EPHB4: variants seen among roughly 807,000 people sequenced by gnomAD.
EPHB4 encodes ephrin type-B receptor 4.
A neutral mutation model predicts 110.6 loss-of-function variants in EPHB4; 50 were observed. The observed-to-expected ratio is 0.45, with a 90% CI of 0.36 to 0.57. The LOEUF is 0.57. Ranked by LOEUF, EPHB4 falls within the 20% of genes least tolerant of loss-of-function variation. The pLI, the probability that EPHB4 is intolerant of heterozygous loss-of-function variation, is 0.00. For missense variants in EPHB4, 1,128 were observed against 1,382.1 expected, an observed-to-expected ratio of 0.82 and a Z score of 2.91; for synonymous variants, 592 against 578.4, an observed-to-expected ratio of 1.02 and a Z score of -0.34.
chr7:100,814,212 C>G (rs1272874921), intron 8 of EPHB4, 191 bp from the exon 9 acceptor site: 1 of 568,738 alleles, frequency 1.8e-6, no homozygotes, highest in Non-Finnish European at 3.0e-6. Context: ...CAGGGGCCAG[C>G]AGGCTCCTCT....
At position 100,817,305 on chromosome 7, in the gene EPHB4, G is replaced by A; in HGVS notation, c.1475C>T (p.Ala492Val). The A allele has an allele frequency of 1.9e-6, 3 of 1,592,292 alleles. No homozygotes were observed. The highest frequency in any genetic ancestry group is 2.6e-6 in the Non-Finnish European group (3 of 1,170,422). Residue 492 changes from alanine (A) to valine (V), a missense_variant, in exon 8 of 17, where the codon GCA becomes GTA. Transcript: ENST00000358173. ...TCCCCGCTTCAGCCCCCGCAGCTCT[G>A]CCCGGTTTTCTGACGTCTTCAGGAA... ...VRFLKTSENR[A>V]ELRGLKRGAS...
chr7:100,816,223 C>T (rs1425025178), intron 8 of EPHB4, among the ~76,000 whole-genome samples: 1 of 152,086 alleles, frequency 6.6e-6, no homozygotes, highest in East Asian at 1.9e-4. Context: ...TAAAAATAAC[C>T]TGTTACCTCC....
chr7:100,819,849 G>T lies in EPHB4; in HGVS notation c.1005C>A (p.Asn335Lys). 1 of 1,552,678 alleles carries T rather than the reference G, an allele frequency of 6.4e-7. No individual in the cohort carries two copies. The highest frequency in any genetic ancestry group is 8.7e-7 in the Non-Finnish European group (1 of 1,148,144). ...TCCATTCCAGGTGCAGGGAGGAGCC[G>T]TTCAGGCGGGAAACCACGCTCCGCG... ...SAPRSVVSRL[N>K]GSSLHLEWSA... The change falls in exon 6 of 17, where the codon AAC becomes AAA. Residue 335 changes from asparagine (N) to lysine (K), a missense_variant. Transcript: ENST00000358173.
chr7:100,806,603 C>G (rs1441770012), intron 13 of EPHB4, 34 bp from the exon 14 acceptor site: 17 of 1,596,848 alleles, frequency 1.1e-5, no homozygotes, highest in Non-Finnish European at 1.3e-5. Context: ...AGCTGGGGGA[C>G]TCACTGAGGG....
intron 6 of EPHB4, among the ~76,000 whole-genome samples, chr7:100,818,869 T>A (rs907406475): frequency 6.6e-6 from 1 of 152,014 alleles, no homozygotes; most frequent in Non-Finnish European, 1.5e-5. Context: ...CTAATTTTTT[T>A]ATTTTTAGTA....
rs1813414647 is a variant in EPHB4 at position 100,826,910 on chromosome 7, C to T, written c.52+69G>A. On this transcript the variant is annotated intron_variant, in intron 1 of 16. Transcript: ENST00000358173. ...TAGTCAGAGGCCGGCCCCTCCACTC[C>T]GAGGCCCAGATGTTGGGGGGGAGGT... is the stretch of plus-strand genomic sequence containing the variant. The T allele has an allele frequency of 2.6e-5, 40 of 1,522,346 alleles. No homozygotes were observed. In the South Asian group the frequency reaches 4.8e-4, roughly 18 times the overall value. The allele number at this position is 1,522,346 out of a possible 1,614,324, so 94.3% of individuals were successfully genotyped here.
chr7:100,820,427 T>A, intron 4 of EPHB4, 131 bp from the exon 5 acceptor site: 1 of 1,095,740 alleles, frequency 9.1e-7, no homozygotes, highest in Non-Finnish European at 1.2e-6. Context: ...GCCAAGGGGT[T>A]CAAGACCAGC....
rs570839663 is a variant in EPHB4 at position 100,814,083 on chromosome 7, G to A, written c.1589-62C>T. 1.1e-4 allele frequency: 170 copies of A among 1,573,846 alleles called. No individual in the cohort carries two copies. In the African/African-American group the frequency reaches 1.4e-3, roughly 13 times the overall value. On this transcript the variant is annotated intron_variant, in intron 8 of 16. Transcript: ENST00000358173. The stretch of plus-strand genomic sequence containing the variant: ...TGGTCCTGTAGGAGGCCCCAGCCCC[G>A]GCTTTGAGCAATGAACTGTGATCTC...
Position 100,823,503 on chromosome 7 carries a change from C to G in EPHB4, c.411+141G>C, listed in dbSNP as rs370841733. ...CGCCCAGAAGATCACCCCCTTCCCTCCCCAGACCTAAGCCTCCTGCTTCCA... is the reference window on the plus strand; with the variant it reads ...CGCCCAGAAGATCACCCCCTTCCCTGCCCAGACCTAAGCCTCCTGCTTCCA... On this transcript the variant is annotated intron_variant, in intron 3 of 16. Coordinates refer to ENST00000358173, the MANE Select transcript of EPHB4 (RefSeq NM_004444.5). 1.6e-4 allele frequency: 181 copies of G among 1,152,618 alleles called. No individual in the cohort carries two copies. The East Asian group carries it at 3.0e-3, about 19-fold the overall frequency. 71.4% of individuals were successfully genotyped at this position (1,152,618 alleles called of 1,614,324 possible).
chr7:100,820,431 G>C, intron 4 of EPHB4, 135 bp from the exon 5 acceptor site: 1 of 973,546 alleles, frequency 1.0e-6, no homozygotes, highest in Non-Finnish European at 1.4e-6. Context: ...AGGGGTTCAA[G>C]ACCAGCCTGG....
chr7:100,826,712 G>C (rs1340088456), intron 1 of EPHB4: 3 of 401,772 alleles, frequency 7.5e-6, no homozygotes, highest in Non-Finnish European at 1.4e-5. Context: ...TATGTAATCA[G>C]CAGTGAGAGT....
rs780669240 is a variant in EPHB4 at position 100,805,486 on chromosome 7, C to G, written c.2678+15G>C. 1 of 1,525,288 alleles carries G rather than the reference C, an allele frequency of 6.6e-7. No individual in the cohort carries two copies. The allele number at this position is 1,525,288 out of a possible 1,614,324, so 94.5% of individuals were successfully genotyped here. ...CAGAGAGCGGGAAGGAGGGCCCATT[C>G]TCTGCAGTCCTCACCCGCCATTCTC... On this transcript the variant is annotated intron_variant, in intron 15 of 16. Coordinates refer to ENST00000358173, the MANE Select transcript of EPHB4 (RefSeq NM_004444.5).
At chr7:100,806,777 TCTC>T (rs1015392934) in intron 13 of EPHB4, among the ~76,000 whole-genome samples, 8 of 152,076 alleles carry the variant, frequency 5.3e-5, no homozygotes, top group Non-Finnish European at 1.5e-5. Flanking sequence ...TTCAACTGGT[TCTC>T]CTACCTCAGC....
chr7:100,813,028 C>T, intron 11 of EPHB4, 34 bp from the exon 12 acceptor site: 2 of 1,612,358 alleles, frequency 1.2e-6, no homozygotes, highest in Admixed American at 3.3e-5. Flanking sequence ...ATCAGCTCTC[C>T]CGCTCCAGTG....
intron 1 of EPHB4, 49 bp downstream of exon 1, chr7:100,826,930 G>C (rs772080434): frequency 6.5e-6 from 10 of 1,535,608 alleles, no homozygotes; most frequent in Admixed American, 4.0e-5. Flanking sequence ...ATGTTGGGGG[G>C]GAGGTCCCAG....
chr7:100,826,975 T>A lies in EPHB4; in HGVS notation c.52+4A>T. The A allele has an allele frequency of 1.3e-6, 2 of 1,517,654 alleles. No homozygotes were observed. Among genetic ancestry groups the A allele is most frequent in the Non-Finnish European group, 1.8e-6 (2 of 1,117,478 alleles). 94.0% of individuals were successfully genotyped at this position (1,517,654 alleles called of 1,614,324 possible). A position where few individuals can be genotyped will look rare whatever the true frequency, so the allele number is the denominator to read the frequency against. On this transcript the variant is annotated splice_donor_region_variant and intron_variant, in intron 1 of 16. Coordinates refer to ENST00000358173, the MANE Select transcript of EPHB4 (RefSeq NM_004444.5). ...GGTGCGCCCCCCCCCGCAAGGAAAC[T>A]CACCTTCCAAAGCTGCGGCCAACGA...
At chr7:100,821,576 C>A (rs1016300629) in intron 4 of EPHB4, among the ~76,000 whole-genome samples, 1 of 149,518 alleles carries the variant, frequency 6.7e-6, no homozygotes, top group Non-Finnish European at 1.5e-5. Context: ...TGCAGTGAGC[C>A]GAGATCGCAC....
In EPHB4 at chr7:100,803,402, C is replaced by T; in HGVS notation, c.*59G>A. The T allele has an allele frequency of 6.9e-7, 1 of 1,457,360 alleles. No homozygotes were observed. Among genetic ancestry groups the T allele is most frequent in the Non-Finnish European group, 9.2e-7 (1 of 1,089,318 alleles). The allele number at this position is 1,457,360 out of a possible 1,614,324, so 90.3% of individuals were successfully genotyped here. Reference sequence around the variant, plus strand: ...CACAGGGCTGGGGGCCTCTGTGAGTCCCCACTCTGCCCCGGAAAATGGGGA... The same window carrying T: ...CACAGGGCTGGGGGCCTCTGTGAGTTCCCACTCTGCCCCGGAAAATGGGGA... On this transcript the variant is annotated 3_prime_UTR_variant, in exon 17 of 17. Coordinates refer to ENST00000358173, the MANE Select transcript of EPHB4 (RefSeq NM_004444.5).
At chr7:100,813,616 C>T (rs758116744) in intron 10 of EPHB4, 36 bp downstream of exon 10, 5 of 1,611,630 alleles carry the variant, frequency 3.1e-6, no homozygotes, top group Middle Eastern at 1.6e-4. Flanking sequence ...ACACCCGGCC[C>T]CAAGCCCCTA....
Sources: gnomAD v4.1 joint callset for allele counts (sites outside exome capture counted in the v4.1 genomes callset) on GRCh38, gnomAD v4.1.1 for gene constraint, MANE v1.5 for transcripts, NCBI Gene and HGNC (gene_info 2026-07-23, HGNC 2026-07-21) for gene names.